Variants in CCDC15 observed in about 807,000 individuals in gnomAD.
The protein encoded by CCDC15 is coiled-coil domain containing 15.
CCDC15 carries 105 observed loss-of-function variants against 114.5 expected under a neutral mutation model. The ratio of observed to expected loss-of-function variants is 0.92; its 90% CI spans 0.78 to 1.08. CCDC15 has a LOEUF of 1.08. Among genes scored for constraint, CCDC15 ranks in the 50% least tolerant of loss-of-function variants. The pLI is 0.00. For missense variants in CCDC15, 1,105 were observed against 1,093.6 expected (o/e 1.01, Z -0.15); for synonymous variants, 334 against 377.8 (o/e 0.88, Z 1.34).
intron 8 of CCDC15, among the ~76,000 whole-genome samples, chr11:124,990,728 T>C (rs1231950699): frequency 6.6e-6 from 1 of 152,208 alleles, no homozygotes; most frequent in Non-Finnish European, 1.5e-5. Context: ...TTGTGAACAA[T>C]TTAATTTTTT....
At chr11:125,021,103 TTGAG>T (rs1363139761) in intron 13 of CCDC15, among the ~76,000 whole-genome samples, 1 of 151,646 alleles carries the variant, frequency 6.6e-6, no homozygotes, top group African/African-American at 2.4e-5. Flanking sequence ...GGGGAAGGTA[TTGAG>T]TAAGAAAAGG....
chr11:124,977,478 G>T lies in CCDC15; in HGVS notation c.631G>T (p.Glu211Ter), dbSNP rs762175155. 2.5e-6 allele frequency: 4 copies of T among 1,580,366 alleles called. No homozygotes were observed. The South Asian group carries it at 3.5e-5, about 14-fold the overall frequency. Reference sequence around the variant, plus strand: ...ATATTTGTAGTAATTTTTTTTCCAGGAAGTGCTTTCCAGGAAACCAGCATC... The same window carrying T: ...ATATTTGTAGTAATTTTTTTTCCAGTAAGTGCTTTCCAGGAAACCAGCATC... ...DGRKSFLTRE[E>*]VLSRKPASTG... is the part of the protein sequence containing the mutation. The change falls in exon 6 of 16, where the codon GAA (glutamate) becomes TAA (stop). Residue 211 changes from glutamate (E) to a stop codon, truncating the protein, a stop_gained and splice_region_variant. Transcript: ENST00000344762. LOFTEE classifies it high-confidence loss of function.
At chr11:125,039,850 T>C (rs903226876) in intron 15 of CCDC15, among the ~76,000 whole-genome samples, 1 of 152,198 alleles carries the variant, frequency 6.6e-6, no homozygotes, top group Admixed American at 6.5e-5. Context: ...CTATTCCCAG[T>C]ATGTGCCATA....
At position 124,959,925 on chromosome 11, in the gene CCDC15, A is replaced by G; in HGVS notation, c.438A>G (p.Leu146=). 6.3e-7 allele frequency: 1 copy of G among 1,586,974 alleles called. No homozygotes were observed. The highest frequency in any genetic ancestry group is 8.6e-7 in the Non-Finnish European group (1 of 1,164,792). Reference sequence around the variant, plus strand: ...ATGTTGCTATTGGAAGTTCTAGGTTACCTCCTTCCCTGATGCCTGGGGATG... The same window carrying G: ...ATGTTGCTATTGGAAGTTCTAGGTTGCCTCCTTCCCTGATGCCTGGGGATG... ...NLNVAIGSSR[L]PPSLMPGDGI... is the part of the protein sequence containing the mutation. The change falls in exon 4 of 16, where the codon TTA becomes TTG. Residue 146 remains leucine, a synonymous_variant. Transcript: ENST00000344762.
At chr11:124,995,022 T>C (rs1454810502) in intron 11 of CCDC15, among the ~76,000 whole-genome samples, 1 of 152,174 alleles carries the variant, frequency 6.6e-6, no homozygotes, top group African/African-American at 2.4e-5. Context: ...AGGACTGAAC[T>C]GCAACTCTTG....
intron 6 of CCDC15, among the ~76,000 whole-genome samples, chr11:124,985,516 T>G (rs1338211368): frequency 6.6e-6 from 1 of 152,186 alleles, no homozygotes; most frequent in Non-Finnish European, 1.5e-5. Flanking sequence ...GTTATAGCTA[T>G]CCTAGTAGAT....
chr11:124,958,334 A>G (rs1947589241), intron 2 of CCDC15, among the ~76,000 whole-genome samples: 1 of 151,164 alleles, frequency 6.6e-6, no homozygotes, highest in African/African-American at 2.4e-5. Context: ...AAATTAATAA[A>G]TTTTCTTAAT....
intron 6 of CCDC15, among the ~76,000 whole-genome samples, chr11:124,985,735 G>GTA (rs1280238846): frequency 2.0e-5 from 3 of 150,396 alleles, no homozygotes; most frequent in Admixed American, 6.6e-5. Context: ...TACATAAAAT[G>GTA]TATATATATA....
intron 4 of CCDC15, among the ~76,000 whole-genome samples, chr11:124,963,757 A>C (rs1350053133): frequency 6.6e-6 from 1 of 152,180 alleles, no homozygotes; most frequent in Non-Finnish European, 1.5e-5. Context: ...GTTTTCATCT[A>C]GAGTTTTTAT....
intron 12 of CCDC15, among the ~76,000 whole-genome samples, chr11:125,004,329 T>C (rs1299741792): frequency 6.6e-6 from 1 of 151,944 alleles, no homozygotes; most frequent in Non-Finnish European, 1.5e-5. Flanking sequence ...CAGAATCAGA[T>C]GGGGAGCTTT....
chr11:125,026,832 C>T (rs780755445), intron 13 of CCDC15, among the ~76,000 whole-genome samples: 1 of 151,818 alleles, frequency 6.6e-6, no homozygotes, highest in Non-Finnish European at 1.5e-5. Flanking sequence ...TTTGGTGCAC[C>T]CGTCACCCAA....
At chr11:124,960,659 T>C (rs1947643692) in intron 4 of CCDC15, among the ~76,000 whole-genome samples, 1 of 152,184 alleles carries the variant, frequency 6.6e-6, no homozygotes, top group East Asian at 1.9e-4. Flanking sequence ...TCCAGAGTTT[T>C]TGGAAAAATG....
chr11:125,015,401 A>G (rs1398554132), intron 13 of CCDC15, among the ~76,000 whole-genome samples: 1 of 152,182 alleles, frequency 6.6e-6, no homozygotes, highest in Non-Finnish European at 1.5e-5. Flanking sequence ...TGGAAAGGGA[A>G]CCATTACTAC....
chr11:125,021,651 T>C (rs1206306639), intron 13 of CCDC15, among the ~76,000 whole-genome samples: 2 of 151,810 alleles, frequency 1.3e-5, no homozygotes, highest in Non-Finnish European at 1.5e-5. Context: ...GAAAATTTAC[T>C]CACTCTTGAG....
At chr11:124,959,525 A>C (rs1018504236) in intron 3 of CCDC15, among the ~76,000 whole-genome samples, 29 of 152,182 alleles carry the variant, frequency 1.9e-4, no homozygotes, top group Admixed American at 1.9e-3. Flanking sequence ...TGGCTTTGCT[A>C]CTTCTAGCTA....
intron 11 of CCDC15, among the ~76,000 whole-genome samples, chr11:124,997,717 G>T (rs1193667146): frequency 6.6e-6 from 1 of 152,138 alleles, no homozygotes; most frequent in African/African-American, 2.4e-5. Flanking sequence ...TGAGGTGAAC[G>T]GATCACTTGA....
intron 13 of CCDC15, among the ~76,000 whole-genome samples, chr11:125,019,690 G>A (rs117503907): frequency 3.9e-5 from 6 of 152,050 alleles, no homozygotes; most frequent in Admixed American, 2.0e-4. Context: ...AGGTCACTGG[G>A]TACATGTTGT....
chr11:125,029,810 C>A (rs1343839191), intron 13 of CCDC15, among the ~76,000 whole-genome samples: 1 of 152,096 alleles, frequency 6.6e-6, no homozygotes, highest in Non-Finnish European at 1.5e-5. Context: ...TTGTAGTTTC[C>A]CATTGACCTT....
At chr11:125,011,245 A>AT (rs774447198) in intron 13 of CCDC15, among the ~76,000 whole-genome samples, 4 of 146,440 alleles carry the variant, frequency 2.7e-5, no homozygotes, top group African/African-American at 1.0e-4. Flanking sequence ...TATTATTATT[A>AT]TTATTTTTTA....
Sources: gnomAD v4.1 joint callset for allele counts (sites outside exome capture counted in the v4.1 genomes callset) on GRCh38, gnomAD v4.1.1 for gene constraint, MANE v1.5 for transcripts, NCBI Gene and HGNC (gene_info 2026-07-23, HGNC 2026-07-21) for gene names.